Variants in IGSF11 observed in about 807,000 individuals in gnomAD.
IGSF11 encodes immunoglobulin superfamily member 11.
In IGSF11, 22 loss-of-function variants were observed where a neutral mutation model predicts 41.0. The observed-to-expected ratio is 0.54, with a 90% CI of 0.38 to 0.77. IGSF11 has a LOEUF of 0.77. IGSF11 is among the 30% of genes least tolerant of loss of function. The probability of loss-of-function intolerance (pLI) is 0.00; values close to 1 mark genes in which losing one functional copy is unlikely to be tolerated. For synonymous variants in IGSF11, 219 were observed against 201.3 expected, an observed-to-expected ratio of 1.09 and a Z score of -0.74; for missense variants, 444 against 530.8, an observed-to-expected ratio of 0.84 and a Z score of 1.61.
intron 1 of IGSF11, among the ~76,000 whole-genome samples, chr3:119,055,822 C>G (rs1336379234): frequency 6.6e-6 from 1 of 152,194 alleles, no homozygotes; most frequent in Non-Finnish European, 1.5e-5. Flanking sequence ...GAAACTCACT[C>G]AAAACAGCTC....
chr3:119,145,429 A>G (rs1453931638), intron 1 of IGSF11, among the ~76,000 whole-genome samples: 1 of 152,238 alleles, frequency 6.6e-6, no homozygotes. Flanking sequence ...ACTGGCCAAC[A>G]CTATCAAATA....
intron 1 of IGSF11, among the ~76,000 whole-genome samples, chr3:118,956,202 G>A (rs1049008017): frequency 6.6e-6 from 1 of 152,180 alleles, no homozygotes; most frequent in Non-Finnish European, 1.5e-5. Context: ...TTACAGAAAT[G>A]TTGTGGCCGG....
chr3:119,139,691 AGT>A (rs2077614399), intron 1 of IGSF11, among the ~76,000 whole-genome samples: 1 of 152,214 alleles, frequency 6.6e-6, no homozygotes, highest in South Asian at 2.1e-4. Context: ...CTTTATCAGC[AGT>A]GTGAAAAATG....
rs575073805 is a variant in IGSF11, at chr3:118,995,706, G to C, written c.52+38825C>G. 2.0e-5 allele frequency among the ~76,000 whole-genome samples: 3 copies of C among 152,238 alleles called. No individual in the cohort carries two copies. In the South Asian group the frequency reaches 6.2e-4, roughly 32 times the overall value. On this transcript the variant is annotated intron_variant, in intron 1 of 6. Transcript: ENST00000393775. Reference sequence around the variant, plus strand: ...CTCGCTCTGTTGCCCAAGCTGGAGTGCAATGGCATGATCTCAGCTCACTGA... The same window carrying C: ...CTCGCTCTGTTGCCCAAGCTGGAGTCCAATGGCATGATCTCAGCTCACTGA...
intron 1 of IGSF11, among the ~76,000 whole-genome samples, chr3:118,955,277 C>CT (rs1376181813): frequency 6.6e-6 from 1 of 150,950 alleles, no homozygotes; most frequent in Admixed American, 6.6e-5. Flanking sequence ...CCATGGAATA[C>CT]TACTCAGCCA....
intron 1 of IGSF11, among the ~76,000 whole-genome samples, chr3:119,094,796 C>T (rs538812672): frequency 2.0e-5 from 3 of 151,670 alleles, no homozygotes; most frequent in South Asian, 4.2e-4. Flanking sequence ...CTCAGCCTGC[C>T]GAGTAGCTGG....
intron 1 of IGSF11, among the ~76,000 whole-genome samples, chr3:119,137,401 C>T (rs2077577545): frequency 1.3e-5 from 2 of 151,992 alleles, no homozygotes; most frequent in South Asian, 4.2e-4. Context: ...AATAGAAAAC[C>T]CAGAAGTAAA....
chr3:118,945,825 T>A (rs908393822), intron 1 of IGSF11: 5 of 152,202 alleles, frequency 3.3e-5, no homozygotes, highest in African/African-American at 1.2e-4. Context: ...GGGTTGACAA[T>A]TCATCCTAAT....
intron 1 of IGSF11, among the ~76,000 whole-genome samples, chr3:118,998,568 A>C (rs1705718388): frequency 6.6e-6 from 1 of 151,916 alleles, no homozygotes; most frequent in South Asian, 2.1e-4. Context: ...GCACCCACAA[A>C]GTATTATTTG....
chr3:119,130,271 G>A (rs148600168), intron 1 of IGSF11, among the ~76,000 whole-genome samples: 1 of 152,160 alleles, frequency 6.6e-6, no homozygotes, highest in Non-Finnish European at 1.5e-5. Flanking sequence ...CACCCAGAAA[G>A]TGCAAAGGGT....
chr3:119,064,304 CT>C (rs1942149998), intron 1 of IGSF11, among the ~76,000 whole-genome samples: 1 of 152,084 alleles, frequency 6.6e-6, no homozygotes, highest in South Asian at 2.1e-4. Context: ...TTTAAAAAGG[CT>C]TTTTAAAACA....
intron 1 of IGSF11, among the ~76,000 whole-genome samples, chr3:119,068,288 C>T (rs116024249): frequency 0.012 from 1,843 of 152,244 alleles, 31 homozygotes; most frequent in African/African-American, 0.043. Flanking sequence ...ATTATTTGTC[C>T]ACTTCTACCT....
At chr3:119,060,773 C>A (rs1224104864) in intron 1 of IGSF11, among the ~76,000 whole-genome samples, 1 of 152,138 alleles carries the variant, frequency 6.6e-6, no homozygotes, top group Non-Finnish European at 1.5e-5. Flanking sequence ...CCCTGATCAA[C>A]AATTGGAAAC....
intron 1 of IGSF11, among the ~76,000 whole-genome samples, chr3:119,089,022 A>T (rs1174695805): frequency 6.6e-6 from 1 of 152,132 alleles, no homozygotes; most frequent in Non-Finnish European, 1.5e-5. Context: ...ACTGATACGA[A>T]TTCTGCTGAA....
intron 1 of IGSF11, among the ~76,000 whole-genome samples, chr3:119,068,226 C>A (rs1559848355): frequency 6.6e-6 from 1 of 152,330 alleles, no homozygotes; most frequent in Middle Eastern, 3.4e-3. Flanking sequence ...GAAGTATTTG[C>A]AGATGTCCTA....
chr3:119,050,992 G>T (rs9759208), intron 1 of IGSF11, among the ~76,000 whole-genome samples: 7,008 of 136,630 alleles, frequency 0.051, 637 homozygotes, highest in African/African-American at 0.19. Context: ...TCTGGGGAGT[G>T]TTGTGGGTTG....
chr3:119,114,348 T>G (rs761347559), intron 1 of IGSF11, among the ~76,000 whole-genome samples: 7 of 152,244 alleles, frequency 4.6e-5, no homozygotes, highest in Non-Finnish European at 7.3e-5. Flanking sequence ...TCCAGGTCAT[T>G]TCTTTGCTCA....
Position 119,116,902 on chromosome 3 carries a change from T to A in IGSF11, c.-13-11697A>T, listed in dbSNP as rs78999924. On this transcript the variant is annotated intron_variant, in intron 1 of 7. Transcript: ENST00000425327. ...AGCCCCACCCAGAAGTGATTTGGCCTGCAGGAGGAAAGCTTTGACCCCCAT... is the reference window on the plus strand; with the variant it reads ...AGCCCCACCCAGAAGTGATTTGGCCAGCAGGAGGAAAGCTTTGACCCCCAT... Among the ~76,000 whole-genome samples, 15 of 152,128 alleles carry A rather than the reference T, an allele frequency of 9.9e-5. 1 individual carries two copies. In the East Asian group the frequency reaches 2.9e-3, roughly 29 times the overall value.
rs1351752321 is a variant in IGSF11, at chr3:118,922,038, C to A, written c.580+4063G>T. Among the ~76,000 whole-genome samples the A allele has an allele frequency of 2.7e-5, 4 of 150,902 alleles. No homozygotes were observed. The East Asian group carries it at 5.8e-4, about 22-fold the overall frequency. The stretch of plus-strand genomic sequence containing the variant: ...GACAATAGAAGACAGAAAAAAAAAA[C>A]CCATAGGCCATTCTCACTGGTGATC... On this transcript the variant is annotated intron_variant, in intron 4 of 6. Transcript: ENST00000393775.
Sources: allele counts gnomAD v4.1 joint callset (sites outside exome capture counted in the v4.1 genomes callset), GRCh38; gene constraint gnomAD v4.1.1; transcripts MANE v1.5; gene names NCBI Gene and HGNC (gene_info 2026-07-23, HGNC 2026-07-21).